Variants in NELL2 observed in about 807,000 individuals in gnomAD.
NELL2 encodes protein kinase C-binding protein NELL2.
A neutral mutation model predicts 109.6 loss-of-function variants in NELL2; 41 were observed. The observed-to-expected ratio is 0.37, with a 90% CI of 0.29 to 0.49. NELL2 has a LOEUF of 0.49. Ranked by LOEUF, NELL2 falls within the 20% of genes least tolerant of loss-of-function variation. The pLI, the probability that NELL2 is intolerant of heterozygous loss-of-function variation, is 0.98. For missense variants in NELL2, 900 were observed against 1,008.3 expected (o/e 0.89, Z 1.45); for synonymous variants, 355 against 344.7 (o/e 1.03, Z -0.33).
At chr12:44,582,516 T>C (rs1369698031) in intron 15 of NELL2, among the ~76,000 whole-genome samples, 1 of 152,114 alleles carries the variant, frequency 6.6e-6, no homozygotes, top group Non-Finnish European at 1.5e-5. Flanking sequence ...TTAGATAAAA[T>C]AATATGTTCA....
intron 9 of NELL2, among the ~76,000 whole-genome samples, chr12:44,759,940 T>C (rs112355209): frequency 0.019 from 2,925 of 152,306 alleles, 75 homozygotes; most frequent in African/African-American, 0.066. Context: ...TTTCACTACC[T>C]TTTAAAATTC....
intron 9 of NELL2, among the ~76,000 whole-genome samples, chr12:44,719,277 T>A (rs761234744): frequency 6.6e-6 from 1 of 152,170 alleles, no homozygotes; most frequent in Non-Finnish European, 1.5e-5. Context: ...CTCTGAAAAT[T>A]CTAAGTTGCA....
intron 3 of NELL2, among the ~76,000 whole-genome samples, chr12:44,802,543 CAGG>C (rs1455916526): frequency 6.6e-6 from 1 of 152,004 alleles, no homozygotes; most frequent in African/African-American, 2.4e-5. Flanking sequence ...GTAGAAAAGC[CAGG>C]CAAATCATCT....
At chr12:44,675,874 T>C (rs1948296956) in intron 12 of NELL2, among the ~76,000 whole-genome samples, 1 of 152,064 alleles carries the variant, frequency 6.6e-6, no homozygotes, top group Non-Finnish European at 1.5e-5. Flanking sequence ...ACCCCAGGTT[T>C]AAAATTAGTC....
rs531603602 is a variant in NELL2 at position 44,638,958 on chromosome 12, T to C, written c.1444+26526A>G. ...TACTGAGATTAATTTTAATAGTATA[T>C]TTTATTCGACCCAATACATCTAAAA... On this transcript the variant is annotated intron_variant, in intron 13 of 19. Transcript: ENST00000429094. 3.9e-5 allele frequency among the ~76,000 whole-genome samples: 6 copies of C among 152,328 alleles called. No individual in the cohort carries two copies. The South Asian group carries it at 6.2e-4, about 16-fold the overall frequency.
At chr12:44,676,623 T>C (rs1041853037) in intron 12 of NELL2, among the ~76,000 whole-genome samples, 1 of 152,150 alleles carries the variant, frequency 6.6e-6, no homozygotes, top group Non-Finnish European at 1.5e-5. Flanking sequence ...GTAAATTGTA[T>C]GGTACATTCC....
chr12:44,527,893 A>G (rs1009841627), intron 16 of NELL2, among the ~76,000 whole-genome samples: 5 of 151,928 alleles, frequency 3.3e-5, no homozygotes, highest in African/African-American at 1.2e-4. Context: ...GGAGACTGAG[A>G]CCATCTCTGG....
chr12:44,818,610 G>A (rs550049381), intron 2 of NELL2, among the ~76,000 whole-genome samples: 1 of 152,178 alleles, frequency 6.6e-6, no homozygotes, highest in African/African-American at 2.4e-5. Context: ...AAGATTCTTA[G>A]GCTGTTTTGT....
At chr12:44,878,133 A>G (rs936205858), upstream of NELL2, among the ~76,000 whole-genome samples, 4 of 152,178 alleles carry the variant, frequency 2.6e-5, no homozygotes, top group Middle Eastern at 3.2e-3. Flanking sequence ...CAACCAACTC[A>G]TGAAAGTAGG....
At chr12:44,615,566 G>T (rs1217920658) in intron 13 of NELL2, among the ~76,000 whole-genome samples, 2 of 152,132 alleles carry the variant, frequency 1.3e-5, no homozygotes, top group Non-Finnish European at 2.9e-5. Flanking sequence ...GCTATTGATT[G>T]CTATGTAATT....
At chr12:44,657,534 G>T (rs184717226) in intron 13 of NELL2, among the ~76,000 whole-genome samples, 1 of 152,218 alleles carries the variant, frequency 6.6e-6, no homozygotes, top group Non-Finnish European at 1.5e-5. Context: ...AGAACGTGCA[G>T]GTTGTCACAT....
At chr12:44,903,368 C>T (rs1945683795) in intron 1 of NELL2, among the ~76,000 whole-genome samples, 1 of 151,990 alleles carries the variant, frequency 6.6e-6, no homozygotes, top group South Asian at 2.1e-4. Context: ...AGAATGGCGT[C>T]ATTAAAAAGT....
intron 15 of NELL2, among the ~76,000 whole-genome samples, chr12:44,594,375 G>C (rs893015855): frequency 6.6e-6 from 1 of 151,968 alleles, no homozygotes; most frequent in Non-Finnish European, 1.5e-5. Context: ...ACACCTATGT[G>C]AGCAAAATAC....
intron 15 of NELL2, among the ~76,000 whole-genome samples, chr12:44,540,972 G>C (rs535135240): frequency 8.6e-5 from 13 of 151,638 alleles, no homozygotes; most frequent in Admixed American, 4.6e-4. Flanking sequence ...TTGGCCGGGC[G>C]CGGTGGCTCA....
intron 3 of NELL2, among the ~76,000 whole-genome samples, chr12:44,796,339 G>C (rs1942620274): frequency 6.6e-6 from 1 of 151,898 alleles, no homozygotes; most frequent in African/African-American, 2.4e-5. Flanking sequence ...CTGAACTAAT[G>C]GTGCTTAAAT....
At chr12:44,523,680 G>T (rs1941641092) in intron 16 of NELL2, 196 bp from the exon 17 acceptor site, 4 of 565,514 alleles carry the variant, frequency 7.1e-6, no homozygotes, top group South Asian at 4.8e-5. Flanking sequence ...ATATTATCAT[G>T]TTTGATTTAA....
At chr12:44,920,117 A>G (rs1264913575) in intron 1 of NELL2, among the ~76,000 whole-genome samples, 1 of 152,198 alleles carries the variant, frequency 6.6e-6, no homozygotes, top group Non-Finnish European at 1.5e-5. Context: ...GAAGTTATGT[A>G]ATGTATGTTA....
chr12:44,805,802 G>C (rs1566437110), intron 3 of NELL2, among the ~76,000 whole-genome samples: 1 of 151,760 alleles, frequency 6.6e-6, no homozygotes, highest in Non-Finnish European at 1.5e-5. Context: ...ATTGTGCTGA[G>C]ATAATCATTC....
intron 2 of NELL2, among the ~76,000 whole-genome samples, chr12:44,869,707 A>G (rs1945109391): frequency 6.6e-6 from 1 of 152,172 alleles, no homozygotes; most frequent in Admixed American, 6.5e-5. Flanking sequence ...AAGAGCCCTC[A>G]ATGTAACTGA....
Sources: allele counts gnomAD v4.1 joint callset (sites outside exome capture counted in the v4.1 genomes callset), GRCh38; gene constraint gnomAD v4.1.1; transcripts MANE v1.5; gene names NCBI Gene and HGNC (gene_info 2026-07-23, HGNC 2026-07-21).